SQOR: variants seen among roughly 807,000 people sequenced by gnomAD.
SQOR encodes sulfide quinone oxidoreductase.
In SQOR, 39 loss-of-function variants were observed where a neutral mutation model predicts 48.6. That is an observed-to-expected ratio of 0.80 (90% CI 0.62 to 1.05). The LOEUF (loss-of-function observed/expected upper bound fraction) is 1.05, where lower values mean the gene tolerates loss of function less well. Ranked by LOEUF, SQOR falls within the 50% of genes least tolerant of loss-of-function variation. SQOR has a pLI of 0.00. For synonymous variants in SQOR, 220 were observed against 206.2 expected (o/e 1.07, Z -0.57); for missense variants, 561 against 559.9 (o/e 1.00, Z -0.02).
chr15:45,636,645 G>A (rs763545187), intron 1 of SQOR, among the ~76,000 whole-genome samples: 21 of 151,780 alleles, frequency 1.4e-4, no homozygotes, highest in Admixed American at 7.2e-4. Context: ...CTTGTGATAC[G>A]CCCACCTTGG....
chr15:45,633,425 A>G (rs889353131), upstream of SQOR, among the ~76,000 whole-genome samples: 1 of 152,110 alleles, frequency 6.6e-6, no homozygotes, highest in Admixed American at 6.6e-5. Flanking sequence ...GCTGGGTGCG[A>G]TGGCTCACGC....
At chr15:45,647,508 G>A (rs1265514925) in intron 1 of SQOR, among the ~76,000 whole-genome samples, 9 of 151,852 alleles carry the variant, frequency 5.9e-5, no homozygotes, top group African/African-American at 2.2e-4. Context: ...TGTACTTTTA[G>A]TAGAGATGGG....
chr15:45,644,113 T>TCTTG (rs761264647), intron 1 of SQOR, among the ~76,000 whole-genome samples: 5 of 151,754 alleles, frequency 3.3e-5, no homozygotes, highest in Non-Finnish European at 7.4e-5. Flanking sequence ...TGAGACGGAG[T>TCTTG]CTTGCTCTGT....
chr15:45,676,057 C>A, intron 5 of SQOR, 44 bp from the exon 6 acceptor site: 2 of 1,528,174 alleles, frequency 1.3e-6, no homozygotes, highest in Non-Finnish European at 8.8e-7. Context: ...AAAAAGGCAG[C>A]TGCAGTCATG....
chr15:45,633,591 G>A (rs918541837), upstream of SQOR, among the ~76,000 whole-genome samples: 2 of 151,802 alleles, frequency 1.3e-5, no homozygotes, highest in Admixed American at 1.3e-4. Flanking sequence ...CTACTCGGGA[G>A]GCTGAGGCAG....
At chr15:45,688,483 G>A in intron 8 of SQOR, 79 bp downstream of exon 8, 1 of 1,093,766 alleles carries the variant, frequency 9.1e-7, no homozygotes, top group Non-Finnish European at 1.3e-6. Flanking sequence ...CCACAATTTT[G>A]CACTTTCTGT....
chr15:45,656,070 A>G (rs890488415), intron 1 of SQOR, among the ~76,000 whole-genome samples: 2 of 151,512 alleles, frequency 1.3e-5, no homozygotes, highest in East Asian at 3.9e-4. Flanking sequence ...GATCATAGAG[A>G]TAGTATGGTG....
chr15:45,661,838 T>C, intron 2 of SQOR, 117 bp from the exon 3 acceptor site: 1 of 1,087,060 alleles, frequency 9.2e-7, no homozygotes, highest in Non-Finnish European at 1.3e-6. Context: ...GACTTTTCCA[T>C]ACGATGCTCT....
intron 7 of SQOR, among the ~76,000 whole-genome samples, chr15:45,687,593 GA>G (rs66507730): frequency 8.6e-5 from 13 of 151,944 alleles, no homozygotes; most frequent in African/African-American, 3.1e-4. Context: ...AATACAGCGG[GA>G]AAAAAATAGC....
At chr15:45,643,947 GC>G (rs1453943509) in intron 1 of SQOR, among the ~76,000 whole-genome samples, 1 of 152,100 alleles carries the variant, frequency 6.6e-6, no homozygotes, top group African/African-American at 2.4e-5. Context: ...AGCGGTTACT[GC>G]CTTAAAAACT....
intron 4 of SQOR, among the ~76,000 whole-genome samples, chr15:45,672,062 C>T (rs2140955297): frequency 6.6e-6 from 1 of 152,316 alleles, no homozygotes; most frequent in Middle Eastern, 3.4e-3. Context: ...GGCAACTTTT[C>T]CATCAACGAC....
In SQOR at chr15:45,673,593, G is replaced by T; in HGVS notation, c.460-14G>T. ...CACTTTTGTTTAAAATAATTTTTGTGTACTTTGTTGCAGATTAAAGGCCTA... is the reference window on the plus strand; with the variant it reads ...CACTTTTGTTTAAAATAATTTTTGTTTACTTTGTTGCAGATTAAAGGCCTA... On this transcript the variant is annotated splice_polypyrimidine_tract_variant and intron_variant, in intron 4 of 9. Transcript: ENST00000260324. The T allele has an allele frequency of 6.2e-7, 1 of 1,605,414 alleles. No individual in the cohort carries two copies.
At chr15:45,682,026 T>C (rs1890133803) in intron 6 of SQOR, among the ~76,000 whole-genome samples, 2 of 152,200 alleles carry the variant, frequency 1.3e-5, no homozygotes, top group South Asian at 4.1e-4. Flanking sequence ...GCTCCTAACA[T>C]ATCCTTTACA....
At chr15:45,654,577 T>C (rs1381337220) in intron 1 of SQOR, among the ~76,000 whole-genome samples, 1 of 152,086 alleles carries the variant, frequency 6.6e-6, no homozygotes, top group African/African-American at 2.4e-5. Context: ...AGAGGAACCA[T>C]GAAGTATTAG....
At chr15:45,635,014 G>C (rs1295176798), upstream of SQOR, 3 of 152,242 alleles carry the variant, frequency 2.0e-5, no homozygotes, top group African/African-American at 7.2e-5. Flanking sequence ...CCGGATGGCA[G>C]GCGGGCGGGG....
Position 45,689,571 on chromosome 15 carries a change from C to A in SQOR, c.1295+354C>A, listed in dbSNP as rs1258777522. On this transcript the variant is annotated intron_variant, in intron 9 of 9. Transcript: ENST00000260324. ...TAGCTGGGATTACAGGTGCCTGCCA[C>A]CACGCCTGGCTAATTTTTATATTTT... Among the ~76,000 whole-genome samples, 5 of 151,962 alleles carry A rather than the reference C, an allele frequency of 3.3e-5. 1 individual carries two copies. Among genetic ancestry groups the A allele is most frequent in the Admixed American group, 3.3e-4 (5 of 15,248 alleles).
At chr15:45,646,298 G>A (rs1037947977) in intron 1 of SQOR, among the ~76,000 whole-genome samples, 3 of 152,200 alleles carry the variant, frequency 2.0e-5, no homozygotes, top group Non-Finnish European at 4.4e-5. Context: ...TGAATTGCTA[G>A]CTCCTGCTAA....
chr15:45,655,549 TAAAG>T (rs1889586507), intron 1 of SQOR, among the ~76,000 whole-genome samples: 1 of 152,206 alleles, frequency 6.6e-6, no homozygotes, highest in Non-Finnish European at 1.5e-5. Flanking sequence ...TACAGTGTAT[TAAAG>T]AAAATTTGTG....
intron 6 of SQOR, among the ~76,000 whole-genome samples, chr15:45,681,545 A>G (rs1250950239): frequency 2.0e-5 from 3 of 152,172 alleles, no homozygotes; most frequent in African/African-American, 7.2e-5. Flanking sequence ...TGTGGAAATG[A>G]AGGGCTATTG....
Sources: allele counts gnomAD v4.1 joint callset (sites outside exome capture counted in the v4.1 genomes callset), GRCh38; gene constraint gnomAD v4.1.1; transcripts MANE v1.5; gene names NCBI Gene and HGNC (gene_info 2026-07-23, HGNC 2026-07-21).